Variants in GNAI3 observed in about 807,000 individuals in gnomAD.
The protein encoded by GNAI3 is guanine nucleotide-binding protein G(i) subunit alpha-3.
In GNAI3, 12 loss-of-function variants were observed where a neutral mutation model predicts 41.8. The ratio of observed to expected loss-of-function variants is 0.29; its 90% CI spans 0.18 to 0.47. The LOEUF (loss-of-function observed/expected upper bound fraction) is 0.47, where lower values mean the gene tolerates loss of function less well. GNAI3 is among the 20% of genes least tolerant of loss of function. GNAI3 has a pLI of 1.00. For missense variants in GNAI3, 360 were observed against 429.6 expected, an observed-to-expected ratio of 0.84 and a Z score of 1.43; for synonymous variants, 132 against 146.5, an observed-to-expected ratio of 0.90 and a Z score of 0.71.
At chr1:109,575,565 C>T (rs1256865685) in intron 3 of GNAI3, among the ~76,000 whole-genome samples, 2 of 91,156 alleles carry the variant, frequency 2.2e-5, no homozygotes, top group African/African-American at 5.2e-5. Context: ...TTTTTGGAGA[C>T]GGACTCTCGC....
chr1:109,590,977 A>G (rs1649158201), intron 7 of GNAI3, among the ~76,000 whole-genome samples: 1 of 152,112 alleles, frequency 6.6e-6, no homozygotes. Context: ...GGAATAATGA[A>G]TTGTCTTTGT....
rs1311018828 is a variant in GNAI3 at position 109,597,970 on chromosome 1, G to A, written c.*5648G>A. On this transcript the variant is annotated 3_prime_UTR_variant, in exon 9 of 9. Coordinates refer to ENST00000369851, the MANE Select transcript of GNAI3 (RefSeq NM_006496.4). ...AGTGCTAGTGTTTTCCTGAAATCTA[G>A]TGAGAATCACAAGGTACCAGAAATA... 2.0e-5 allele frequency: 3 copies of A among 152,214 alleles called. No individual in the cohort carries two copies. Among genetic ancestry groups the A allele is most frequent in the Non-Finnish European group, 4.4e-5 (3 of 68,050 alleles). The allele number at this position is 152,214 out of a possible 1,614,324, so 9.4% of individuals were successfully genotyped here.
rs1226495696 is a variant in GNAI3, at chr1:109,548,713, C to T, written c.-8C>T. ...GTCCGGGCCCGTGTCCCCTCTCCCGCCGCCGCCATGGGCTGCACGTTGAGC... is the reference window on the plus strand; with the variant it reads ...GTCCGGGCCCGTGTCCCCTCTCCCGTCGCCGCCATGGGCTGCACGTTGAGC... On this transcript the variant is annotated 5_prime_UTR_variant, in exon 1 of 9. Transcript: ENST00000369851. 5 of 1,604,858 alleles carry T rather than the reference C, an allele frequency of 3.1e-6. No homozygotes were observed. Among genetic ancestry groups the T allele is most frequent in the Non-Finnish European group, 4.3e-6 (5 of 1,172,564 alleles).
rs1649313936 is a variant in GNAI3 at position 109,596,505 on chromosome 1, C to T, written c.*4183C>T. 1 of 152,314 alleles carries T rather than the reference C, an allele frequency of 6.6e-6. No homozygotes were observed. Among genetic ancestry groups the T allele is most frequent in the Non-Finnish European group, 1.5e-5 (1 of 68,142 alleles). 9.4% of individuals were successfully genotyped at this position (152,314 alleles called of 1,614,324 possible). On this transcript the variant is annotated 3_prime_UTR_variant, in exon 9 of 9. Transcript: ENST00000369851. ...AGTAGCTGTGATTACAGGCATGTGC[C>T]ACCACATCTGGCTAACTTTTGTATT...
intron 6 of GNAI3, 111 bp from the exon 7 acceptor site, chr1:109,586,618 A>C (rs1429136300): frequency 2.6e-6 from 2 of 782,096 alleles, no homozygotes; most frequent in African/African-American, 3.5e-5. Flanking sequence ...TGTTTGACTT[A>C]TTTCCGTGAA....
At chr1:109,569,081 C>T (rs1307012782) in intron 1 of GNAI3, among the ~76,000 whole-genome samples, 1 of 152,134 alleles carries the variant, frequency 6.6e-6, no homozygotes, top group East Asian at 1.9e-4. Context: ...ACATGGCTTC[C>T]TTCCTCCTTT....
At chr1:109,576,409 G>GA (rs971475831) in intron 3 of GNAI3, among the ~76,000 whole-genome samples, 14 of 151,102 alleles carry the variant, frequency 9.3e-5, no homozygotes, top group Admixed American at 2.0e-4. Context: ...AGTGTGAATG[G>GA]AAAAAAAATA....
At chr1:109,553,515 C>T (rs544471581) in intron 1 of GNAI3, among the ~76,000 whole-genome samples, 22 of 152,220 alleles carry the variant, frequency 1.4e-4, no homozygotes, top group African/African-American at 4.8e-4. Flanking sequence ...AATAAGACTG[C>T]CCTTTGGTAA....
intron 1 of GNAI3, among the ~76,000 whole-genome samples, chr1:109,559,885 T>C (rs529766685): frequency 6.6e-6 from 1 of 152,232 alleles, no homozygotes; most frequent in Non-Finnish European, 1.5e-5. Flanking sequence ...GGATCACTGT[T>C]TAATTGTTCT....
At chr1:109,581,574 A>G (rs1198103606) in intron 4 of GNAI3, among the ~76,000 whole-genome samples, 3 of 152,130 alleles carry the variant, frequency 2.0e-5, no homozygotes, top group East Asian at 1.9e-4. Context: ...GGCCTTCACA[A>G]TTTAATTCTG....
chr1:109,581,240 AT>A (rs1648882283), intron 4 of GNAI3, among the ~76,000 whole-genome samples: 2 of 151,930 alleles, frequency 1.3e-5, no homozygotes, highest in South Asian at 4.1e-4. Context: ...GAACAAATTA[AT>A]TTTTTTGGAG....
intron 1 of GNAI3, among the ~76,000 whole-genome samples, chr1:109,553,132 A>G (rs1648034584): frequency 6.6e-6 from 1 of 152,190 alleles, no homozygotes; most frequent in Admixed American, 6.5e-5. Flanking sequence ...TTTTTCAGAC[A>G]GCTGTTTTAT....
chr1:109,558,709 C>G (rs966761186), intron 1 of GNAI3, among the ~76,000 whole-genome samples: 1 of 99,860 alleles, frequency 1.0e-5, no homozygotes, highest in Admixed American at 9.5e-5. Flanking sequence ...TGTTTTTGCT[C>G]CTTATTAATA....
rs1210529746 is a variant in GNAI3 at position 109,588,337 on chromosome 1, G to A, written c.874+1455G>A. 2.7e-5 allele frequency among the ~76,000 whole-genome samples: 4 copies of A among 150,560 alleles called. No homozygotes were observed. In the East Asian group the frequency reaches 7.9e-4, roughly 30 times the overall value. The stretch of plus-strand genomic sequence containing the variant: ...GCAGAGCTTGCAGTGAGCCGAGATC[G>A]CGCCACTGCACTCCAGCCTGGGCGA... On this transcript the variant is annotated intron_variant, in intron 7 of 8. Transcript: ENST00000369851.
At chr1:109,587,033 C>A in intron 7 of GNAI3, 151 bp downstream of exon 7, 1 of 590,558 alleles carries the variant, frequency 1.7e-6, no homozygotes, top group Non-Finnish European at 3.0e-6. Context: ...TGATTAAAAG[C>A]CCCTAAGTCA....
At chr1:109,587,065 T>C (rs1649049271) in intron 7 of GNAI3, among the ~76,000 whole-genome samples, 183 bp downstream of exon 7, 1 of 152,120 alleles carries the variant, frequency 6.6e-6, no homozygotes, top group South Asian at 2.1e-4. Flanking sequence ...TCAGACACAA[T>C]TGAGTTTTCT....
intron 2 of GNAI3, 51 bp from the exon 3 acceptor site, chr1:109,573,845 C>G: frequency 1.9e-6 from 3 of 1,598,354 alleles, no homozygotes; most frequent in Non-Finnish European, 2.6e-6. Context: ...TCCATAGTAT[C>G]TTTTCATTTT....
chr1:109,559,147 C>T (rs1320092157), intron 1 of GNAI3, among the ~76,000 whole-genome samples: 1 of 151,452 alleles, frequency 6.6e-6, no homozygotes, highest in Non-Finnish European at 1.5e-5. Context: ...CACTGCACTC[C>T]ATCCAGCCTG....
intron 1 of GNAI3, among the ~76,000 whole-genome samples, chr1:109,571,894 G>A (rs780526337): frequency 2.4e-4 from 36 of 151,954 alleles, no homozygotes; most frequent in Non-Finnish European, 4.7e-4. Context: ...CTCCAGCCTG[G>A]GTGACAGAGC....
Sources: gnomAD v4.1 joint callset for allele counts (sites outside exome capture counted in the v4.1 genomes callset) on GRCh38, gnomAD v4.1.1 for gene constraint, MANE v1.5 for transcripts, NCBI Gene and HGNC (gene_info 2026-07-23, HGNC 2026-07-21) for gene names.